The following ZC4H2 variants were observed in gnomAD, a reference collection of about 807,000 sequenced individuals.
ZC4H2 encodes zinc finger C4H2 domain-containing protein.
For missense variants in ZC4H2, 137 were observed against 173.9 expected (o/e 0.79, Z 1.19); for synonymous variants, 84 against 66.3 (o/e 1.27, Z -1.30).
chrX:64,930,352 C>A (rs1360433028), intron 1 of ZC4H2, among the ~76,000 whole-genome samples: 1 of 111,669 alleles, frequency 9.0e-6, no homozygotes, highest in Non-Finnish European at 1.9e-5. Flanking sequence ...AATTTGGATG[C>A]TCTTTACTTC....
At chrX:64,937,476 G>T (rs751248113) in intron 1 of ZC4H2, among the ~76,000 whole-genome samples, 4 of 111,508 alleles carry the variant, frequency 3.6e-5, no homozygotes, top group African/African-American at 6.5e-5. Flanking sequence ...CAAACCAAAA[G>T]AATATATATT....
intron 1 of ZC4H2, among the ~76,000 whole-genome samples, chrX:65,032,934 G>A (rs1325881728): frequency 2.7e-5 from 3 of 111,119 alleles, no homozygotes; most frequent in Non-Finnish European, 5.7e-5. Context: ...GTGCCACCAC[G>A]CCTGGCTAAT....
chrX:64,921,840 G>C lies in ZC4H2; in HGVS notation c.202C>G (p.Leu68Val). ...ACCACATTGATGTCAGCGTGGATCAGTCGGAGTTCCTCCACATGGGCCATC... is the reference window on the plus strand; with the variant it reads ...ACCACATTGATGTCAGCGTGGATCACTCGGAGTTCCTCCACATGGGCCATC... Reference protein sequence around the residue: ...EKMAHVEELRLIHADINVMEN... With the variant: ...EKMAHVEELRVIHADINVMEN... Residue 68 changes from leucine (L) to valine (V), a missense_variant, in exon 2 of 5, where the codon CTG (leucine) becomes GTG (valine). Physicochemically the swap from Leu to Val is conservative, Grantham distance 32. Coordinates refer to ENST00000374839, the MANE Select transcript of ZC4H2 (RefSeq NM_018684.4). 8.3e-7 allele frequency: 1 copy of C among 1,210,705 alleles called. No homozygotes were observed. The highest frequency in any genetic ancestry group is 1.1e-6 in the Non-Finnish European group (1 of 895,311).
intron 1 of ZC4H2, among the ~76,000 whole-genome samples, chrX:64,927,575 T>C (rs1929485685): frequency 8.9e-6 from 1 of 112,112 alleles, no homozygotes; most frequent in Non-Finnish European, 1.9e-5. Flanking sequence ...TATTGTGAAC[T>C]GTGTTGCAAT....
intron 1 of ZC4H2, among the ~76,000 whole-genome samples, chrX:64,929,750 ATGCTGTTTTGG>A (rs927677504): frequency 9.0e-6 from 1 of 111,417 alleles, no homozygotes; most frequent in African/African-American, 3.3e-5. Flanking sequence ...TACCATTACC[ATGCTGTTTTGG>A]TAGCTTATAG....
chrX:65,024,477 T>G (rs1196063987), intron 1 of ZC4H2, among the ~76,000 whole-genome samples: 2 of 111,530 alleles, frequency 1.8e-5, no homozygotes, highest in African/African-American at 6.6e-5. Flanking sequence ...TAAAGATGTC[T>G]CAAAGAAGTT....
At chrX:64,980,097 A>G (rs756312630), upstream of ZC4H2, among the ~76,000 whole-genome samples, 8 of 112,327 alleles carry the variant, frequency 7.1e-5, no homozygotes, top group Non-Finnish European at 1.3e-4. Context: ...AGTAGTGCAA[A>G]TTACTTATTA....
At chrX:64,953,933 G>C (rs894081571) in intron 1 of ZC4H2, among the ~76,000 whole-genome samples, 2 of 111,011 alleles carry the variant, frequency 1.8e-5, no homozygotes, top group Non-Finnish European at 3.8e-5. Context: ...GTCCAACAAT[G>C]ATAGACTGGA....
At position 64,917,688 on chromosome X, in the gene ZC4H2, G is replaced by A. The variant is rs1264311287; in HGVS notation, c.*95C>T. On this transcript the variant is annotated 3_prime_UTR_variant, in exon 5 of 5. Coordinates refer to ENST00000374839, the MANE Select transcript of ZC4H2 (RefSeq NM_018684.4). ...CATCACATTAAATAGGAGACTTCGT[G>A]GGGTTGGGCAAGGGTTGTTTCACAT... The A allele has an allele frequency of 1.8e-6, 2 of 1,122,054 alleles. No homozygotes were observed. Among genetic ancestry groups the A allele is most frequent in the Admixed American group, 5.4e-5 (2 of 37,266 alleles). 92.5% of individuals were successfully genotyped at this position (1,122,054 alleles called of 1,213,427 possible). A position where few individuals can be genotyped will look rare whatever the true frequency, so the allele number is the denominator to read the frequency against.
At chrX:65,000,375 G>A (rs972964688) in intron 1 of ZC4H2, among the ~76,000 whole-genome samples, 2 of 111,838 alleles carry the variant, frequency 1.8e-5, no homozygotes, top group Non-Finnish European at 3.8e-5. Context: ...CAAAAAGAAA[G>A]GAATAGCATC....
At chrX:64,967,740 T>G (rs1931639558) in intron 1 of ZC4H2, among the ~76,000 whole-genome samples, 1 of 112,247 alleles carries the variant, frequency 8.9e-6, no homozygotes, top group African/African-American at 3.2e-5. Flanking sequence ...GGAAAGGGAC[T>G]AGCACAAGGC....
intron 1 of ZC4H2, among the ~76,000 whole-genome samples, chrX:64,948,668 C>T (rs986944789): frequency 6.3e-5 from 7 of 111,833 alleles, no homozygotes; most frequent in African/African-American, 2.3e-4. Flanking sequence ...ATTAAAATTA[C>T]TTACTTGCCA....
rs200874659 is a variant in ZC4H2, at chrX:64,946,145, CCAAAA to C, written c.54-24162_54-24158del. Reference sequence around the variant, plus strand: ...TGGCGTGTGGGAAAAAAAACCAAAACCAAAACAAAACAAAACAAAAAAAACCTCCT... The same window carrying C: ...TGGCGTGTGGGAAAAAAAACCAAAACCAAAACAAAACAAAAAAAACCTCCT... On this transcript the variant is annotated intron_variant, in intron 1 of 4. Coordinates refer to ENST00000374839, the MANE Select transcript of ZC4H2 (RefSeq NM_018684.4). Among the ~76,000 whole-genome samples the C allele has an allele frequency of 9.8e-3, 1,087 of 110,638 alleles. 54 individuals carry two copies. The East Asian group carries it at 0.19, about 20-fold the overall frequency.
intron 1 of ZC4H2, among the ~76,000 whole-genome samples, chrX:64,968,218 G>A (rs1256148243): frequency 8.9e-6 from 1 of 111,876 alleles, no homozygotes. Context: ...GAACCATATC[G>A]GCAGGTATGT....
At chrX:65,000,600 G>T (rs755853087) in intron 1 of ZC4H2, among the ~76,000 whole-genome samples, 1 of 112,070 alleles carries the variant, frequency 8.9e-6, no homozygotes, top group African/African-American at 3.2e-5. Flanking sequence ...TGAACTGAGA[G>T]AAGTAGGCTT....
chrX:64,976,488 G>A, upstream of ZC4H2: 1 of 865,324 alleles, frequency 1.2e-6, no homozygotes, highest in Non-Finnish European at 1.7e-6. Flanking sequence ...GAGCCTGTGC[G>A]GTAGGGGCTT....
intron 2 of ZC4H2, 126 bp from the exon 3 acceptor site, chrX:64,920,379 C>T (rs1367958767): frequency 3.0e-6 from 2 of 668,389 alleles, no homozygotes; most frequent in Non-Finnish European, 2.2e-6. Flanking sequence ...CTTGATCTCC[C>T]ATGCCCTCTC....
chrX:65,018,958 G>T (rs940765177), intron 1 of ZC4H2, among the ~76,000 whole-genome samples: 1 of 111,657 alleles, frequency 9.0e-6, no homozygotes, highest in Non-Finnish European at 1.9e-5. Flanking sequence ...GCTCAGCAAG[G>T]CCACTGCGGC....
At chrX:65,013,459 A>G (rs1015985901) in intron 1 of ZC4H2, among the ~76,000 whole-genome samples, 2 of 111,729 alleles carry the variant, frequency 1.8e-5, no homozygotes, top group Non-Finnish European at 3.8e-5. Context: ...ATTAGGTTAC[A>G]AAAGTTTGCA....
Sources: allele counts gnomAD v4.1 joint callset (sites outside exome capture counted in the v4.1 genomes callset), GRCh38; gene constraint gnomAD v4.1.1; transcripts MANE v1.5; gene names NCBI Gene and HGNC (gene_info 2026-07-23, HGNC 2026-07-21).